Variants in ABCC9 observed in about 807,000 individuals in gnomAD.
ABCC9 encodes ATP-binding cassette sub-family C member 9.
Under a neutral mutation model 188.3 loss-of-function variants are expected in ABCC9, and 95 were observed. That is an observed-to-expected ratio of 0.50 (90% confidence interval 0.43 to 0.60). ABCC9 has a LOEUF of 0.60. ABCC9 is among the 20% of genes least tolerant of loss of function. The pLI is 0.00. For synonymous variants in ABCC9, 659 were observed against 652.7 expected (o/e 1.01, Z -0.15); for missense variants, 1,102 against 1,876.3 (o/e 0.59, Z 7.62).
In ABCC9 at chr12:21,902,680, C is replaced by T. The variant is rs1024139732; in HGVS notation, c.1618+3446G>A. Among the ~76,000 whole-genome samples, 5 of 152,016 alleles carry T rather than the reference C, an allele frequency of 3.3e-5. No individual in the cohort carries two copies. The South Asian group carries it at 1.0e-3, about 31-fold the overall frequency. On this transcript the variant is annotated intron_variant, in intron 12 of 39. Coordinates refer to ENST00000261200, the MANE Select transcript of ABCC9 (RefSeq NM_020297.4). ...CTATAAACACCTCTATGCAAATAAA[C>T]AGAAAATCTAGAAGAAATGGATAAA... is the stretch of plus-strand genomic sequence containing the variant.
intron 19 of ABCC9, among the ~76,000 whole-genome samples, chr12:21,863,677 T>C (rs1945641277): frequency 6.6e-6 from 1 of 152,156 alleles, no homozygotes; most frequent in Non-Finnish European, 1.5e-5. Context: ...GACTTGCAAA[T>C]TCTACCAGAT....
rs1948576124 is a variant in ABCC9, at chr12:21,915,730, GCAA to G, written c.751_753del (p.Leu251del). 6.2e-7 allele frequency: 1 copy of G among 1,611,956 alleles called. No individual in the cohort carries two copies. The highest frequency in any genetic ancestry group is 1.7e-5 in the Admixed American group (1 of 59,740). On this transcript the variant is annotated inframe_deletion, in exon 7 of 40. Transcript: ENST00000261200. The stretch of plus-strand genomic sequence containing the variant: ...TTTGTTACTGCTCTCATTGCTATTG[GCAA>G]TTTTCCAATTGCCTTCAGATCAATA...
In ABCC9 at chr12:21,816,234, ATTGAT is replaced by A. The variant is rs1189000918; in HGVS notation, c.3893-346_3893-342del. 4.6e-5 allele frequency among the ~76,000 whole-genome samples: 7 copies of A among 151,996 alleles called. No homozygotes were observed. In the South Asian group the frequency reaches 1.0e-3, roughly 23 times the overall value. The stretch of plus-strand genomic sequence containing the variant: ...GTGGACAGAGATAGTTCATTTCTGA[ATTGAT>A]TTATTTGTTCAGTCAGTTGGTCATT... On this transcript the variant is annotated intron_variant, in intron 33 of 39. Transcript: ENST00000261200.
chr12:21,850,284 T>C (rs1054016193), intron 24 of ABCC9, among the ~76,000 whole-genome samples: 3 of 152,034 alleles, frequency 2.0e-5, no homozygotes, highest in Non-Finnish European at 4.4e-5. Context: ...CATAACAAAG[T>C]AAACCGAAAT....
intron 31 of ABCC9, among the ~76,000 whole-genome samples, chr12:21,820,895 A>T (rs1943000596): frequency 6.6e-6 from 1 of 151,994 alleles, no homozygotes; most frequent in African/African-American, 2.4e-5. Flanking sequence ...TTATTTGCTT[A>T]TTTGTTTACA....
chr12:21,852,336 A>C, intron 23 of ABCC9, 32 bp downstream of exon 23: 1 of 1,613,682 alleles, frequency 6.2e-7, no homozygotes, highest in Non-Finnish European at 8.5e-7. Flanking sequence ...CTATAATATA[A>C]AAATGAGCAA....
chr12:21,935,176 T>C (rs1949437127), intron 3 of ABCC9, among the ~76,000 whole-genome samples: 1 of 152,170 alleles, frequency 6.6e-6, no homozygotes, highest in African/African-American at 2.4e-5. Context: ...GTTCTTGCTC[T>C]CAAAAAGTTA....
intron 16 of ABCC9, among the ~76,000 whole-genome samples, chr12:21,881,696 G>A (rs910079370): frequency 6.1e-5 from 7 of 115,544 alleles, no homozygotes; most frequent in African/African-American, 1.3e-4. Context: ...CATTATAATC[G>A]CCTAGGGAAC....
At position 21,936,525 on chromosome 12, in the gene ABCC9, T is replaced by C; in HGVS notation, c.142+8A>G. The C allele has an allele frequency of 6.2e-7, 1 of 1,607,526 alleles. No homozygotes were observed. The highest frequency in any genetic ancestry group is 8.5e-7 in the Non-Finnish European group (1 of 1,174,526). On this transcript the variant is annotated splice_region_variant and intron_variant, in intron 3 of 39. Coordinates refer to ENST00000261200, the MANE Select transcript of ABCC9 (RefSeq NM_020297.4). The stretch of plus-strand genomic sequence containing the variant: ...AAATGGTATAACATAAGATACTAGA[T>C]TACTTACCAATAAACAATATTGGAA...
At position 21,913,024 on chromosome 12, in the gene ABCC9, G is replaced by GC; in HGVS notation, c.858dup (p.Leu287AlafsTer14). The GC allele has an allele frequency of 6.2e-7, 1 of 1,610,280 alleles. No individual in the cohort carries two copies. The highest frequency in any genetic ancestry group is 8.5e-7 in the Non-Finnish European group (1 of 1,178,918). On this transcript the variant is annotated frameshift_variant, in exon 8 of 40. Transcript: ENST00000261200. LOFTEE classifies it high-confidence loss of function. ...CGCCCAAAAGCTCTGTACATTGCAA[G>GC]CCATATAGATGGAGTCCGATTTGGA...
At chr12:21,801,562 T>C (rs927890889) in intron 39 of ABCC9, among the ~76,000 whole-genome samples, 2 of 152,194 alleles carry the variant, frequency 1.3e-5, no homozygotes, top group African/African-American at 4.8e-5. Flanking sequence ...TTGTGTACAG[T>C]CACTAATTAT....
intron 18 of ABCC9, chr12:21,869,437 C>T (rs1230693586): frequency 6.6e-6 from 1 of 152,184 alleles, no homozygotes; most frequent in Non-Finnish European, 1.5e-5. Flanking sequence ...CACCACAAGT[C>T]CGAATCATTT....
chr12:21,908,288 T>C (rs1948136487), intron 10 of ABCC9, 77 bp from the exon 11 acceptor site: 1 of 1,512,496 alleles, frequency 6.6e-7, no homozygotes. Flanking sequence ...TAATTTTTAG[T>C]GCAAATGTAG....
At chr12:21,852,012 T>G in intron 24 of ABCC9, 85 bp downstream of exon 24, 1 of 1,515,894 alleles carries the variant, frequency 6.6e-7, no homozygotes. Context: ...TAAATGGTAA[T>G]TTTTTAAAAA....
chr12:21,934,616 C>CGTAGAGTAATACTAGGTCAT lies in ABCC9; in HGVS notation c.143-713_143-694dup, dbSNP rs540249486. On this transcript the variant is annotated intron_variant, in intron 3 of 39. Transcript: ENST00000261200. ...AAAGTACTATACAGTTTAGTTACTACGTAGAGTAATACTAGGTCATGTAGA... is the reference window on the plus strand; with the variant it reads ...AAAGTACTATACAGTTTAGTTACTACGTAGAGTAATACTAGGTCATGTAGAGTAATACTAGGTCATGTAGA... 7.8e-3 allele frequency among the ~76,000 whole-genome samples: 1,184 copies of CGTAGAGTAATACTAGGTCAT among 151,696 alleles called. 10 individuals carry two copies. The highest frequency in any genetic ancestry group is 0.013 in the Non-Finnish European group (897 of 67,700).
rs1398601418 is a variant in ABCC9 at position 21,859,595 on chromosome 12, A to G, written c.2496T>C (p.Ile832=). The change falls in exon 22 of 40, where the codon ATT becomes ATC. Residue 832 remains isoleucine, a synonymous_variant. Coordinates refer to ENST00000261200, the MANE Select transcript of ABCC9 (RefSeq NM_020297.4). Reference sequence around the variant, plus strand: ...AAGGCCATATTCTTACCAAAAAGACAATGTTGGTGTTTTGATACAGCGCTC... The same window carrying G: ...AAGGCCATATTCTTACCAAAAAGACGATGTTGGTGTTTTGATACAGCGCTC... ...VARALYQNTN[I]VFLDDPFSAL... The G allele has an allele frequency of 1.5e-5, 24 of 1,613,580 alleles. No homozygotes were observed. The highest frequency in any genetic ancestry group is 1.9e-5 in the Non-Finnish European group (23 of 1,179,694).
At chr12:21,870,867 A>G (rs906751279) in intron 18 of ABCC9, among the ~76,000 whole-genome samples, 1 of 152,250 alleles carries the variant, frequency 6.6e-6, no homozygotes, top group Non-Finnish European at 1.5e-5. Flanking sequence ...AAGCAAGAAA[A>G]TAAATAGGTT....
rs1382307952 is a variant in ABCC9 at position 21,799,745 on chromosome 12, AT to A, written c.*1298del. ...TTTTATATATCTTCACAATCTTACAATGCATGTGGATCTTCATATGAAAAAG... is the reference window on the plus strand; with the variant it reads ...TTTTATATATCTTCACAATCTTACAAGCATGTGGATCTTCATATGAAAAAG... On this transcript the variant is annotated 3_prime_UTR_variant, in exon 40 of 40. Coordinates refer to ENST00000261200, the MANE Select transcript of ABCC9 (RefSeq NM_020297.4). The A allele has an allele frequency of 6.6e-6, 1 of 152,194 alleles. No individual in the cohort carries two copies. The highest frequency in any genetic ancestry group is 2.4e-5 in the African/African-American group (1 of 41,462). The allele number at this position is 152,194 out of a possible 1,614,324, so 9.4% of individuals were successfully genotyped here.
At chr12:21,805,357 G>GT in intron 39 of ABCC9, 1 of 1,575,792 alleles carries the variant, frequency 6.3e-7, no homozygotes, top group African/African-American at 1.3e-5. Context: ...AAGGAAAAAT[G>GT]TCCAAGTGAC....
Sources: allele counts gnomAD v4.1 joint callset (sites outside exome capture counted in the v4.1 genomes callset), GRCh38; gene constraint gnomAD v4.1.1; transcripts MANE v1.5; gene names NCBI Gene and HGNC (gene_info 2026-07-23, HGNC 2026-07-21).